CSE1L: variants seen among roughly 807,000 people sequenced by gnomAD.
CSE1L encodes chromosome segregation 1 like.
A neutral mutation model predicts 120.4 loss-of-function variants in CSE1L; 24 were observed. That is an observed-to-expected ratio of 0.20 (90% CI 0.14 to 0.28). CSE1L has a LOEUF of 0.28. CSE1L is among the 10% of genes least tolerant of loss of function. The pLI is 1.00. For synonymous variants in CSE1L, 402 were observed against 398.3 expected, an observed-to-expected ratio of 1.01 and a Z score of -0.11; for missense variants, 830 against 1,145.2, an observed-to-expected ratio of 0.72 and a Z score of 3.97.
Position 49,059,879 on chromosome 20 carries a change from CA to C in CSE1L, c.85+1342del, listed in dbSNP as rs111872809. On this transcript the variant is annotated intron_variant, in intron 2 of 24. Coordinates refer to ENST00000262982, the MANE Select transcript of CSE1L (RefSeq NM_001316.4). Reference sequence around the variant, plus strand: ...TGGGTGACAGAGCGAGACGTAGTCCCAAAAAAAAAAATATTTTGAAACACAG... The same window carrying C: ...TGGGTGACAGAGCGAGACGTAGTCCCAAAAAAAAAATATTTTGAAACACAG... Among the ~76,000 whole-genome samples, 55 of 141,076 alleles carry C rather than the reference CA, an allele frequency of 3.9e-4. No homozygotes were observed. The East Asian group carries it at 5.2e-3, about 13-fold the overall frequency. 92.6% of individuals were successfully genotyped at this position (141,076 alleles called of 152,430 possible). A position where few individuals can be genotyped will look rare whatever the true frequency, so the allele number is the denominator to read the frequency against.
In CSE1L at chr20:49,072,714, T is replaced by C; in HGVS notation, c.1066+17T>C. 2 of 1,592,886 alleles carry C rather than the reference T, an allele frequency of 1.3e-6. No individual in the cohort carries two copies. The highest frequency in any genetic ancestry group is 1.7e-6 in the Non-Finnish European group (2 of 1,171,626). On this transcript the variant is annotated intron_variant, in intron 10 of 24. Coordinates refer to ENST00000262982, the MANE Select transcript of CSE1L (RefSeq NM_001316.4). ...AATTTAGAGGTAATTATGGCAAAAG[T>C]ATATTAGTATAAATCTACTAAGTCT...
At chr20:49,093,918 A>C (rs1036096741) in intron 22 of CSE1L, among the ~76,000 whole-genome samples, 1 of 146,540 alleles carries the variant, frequency 6.8e-6, no homozygotes, top group Non-Finnish European at 1.5e-5. Flanking sequence ...ACTCCGTCTC[A>C]AAAAAAAAAA....
At chr20:49,088,542 C>G (rs1489573179) in intron 17 of CSE1L, among the ~76,000 whole-genome samples, 1 of 152,142 alleles carries the variant, frequency 6.6e-6, no homozygotes, top group East Asian at 1.9e-4. Context: ...TTTACAGATA[C>G]TTAGATTCAT....
chr20:49,087,880 C>T (rs1033601131), intron 16 of CSE1L, 129 bp from the exon 17 acceptor site: 14 of 584,840 alleles, frequency 2.4e-5, no homozygotes, highest in Non-Finnish European at 3.5e-5. Context: ...ATGTAGAGAG[C>T]TATCTCGGGG....
rs769667829 is a variant in CSE1L at position 49,072,552 on chromosome 20, T to C, written c.937-16T>C. ...TTTGCTTTTAAAAATATTCTTGTTT[T>C]TGTGTTTTGTTCCAGTTGGTAAGTA... is the stretch of plus-strand genomic sequence containing the variant. On this transcript the variant is annotated splice_polypyrimidine_tract_variant and intron_variant, in intron 9 of 24. Coordinates refer to ENST00000262982, the MANE Select transcript of CSE1L (RefSeq NM_001316.4). 1.2e-6 allele frequency: 2 copies of C among 1,604,858 alleles called. No individual in the cohort carries two copies. The highest frequency in any genetic ancestry group is 2.7e-5 in the African/African-American group (2 of 74,414).
At chr20:49,080,652 T>G (rs1388613393) in intron 14 of CSE1L, among the ~76,000 whole-genome samples, 1 of 152,002 alleles carries the variant, frequency 6.6e-6, no homozygotes, top group Non-Finnish European at 1.5e-5. Context: ...AATTTTGTAT[T>G]TTTAGTAGAG....
rs372551577 is a variant in CSE1L, at chr20:49,058,476, G to A, written c.13G>A (p.Asp5Asn). MELS[D>N]ANLQTLTEYL... ...AGATCCTATAGCAATGGAACTCAGC[G>A]ATGCAAATCTGCAAACACTAACAGA... Residue 5 changes from aspartate to asparagine, a missense_variant, in exon 2 of 25, where the codon GAT (aspartate) becomes AAT (asparagine). Around this residue, in one of 4 missense-constraint regions of CSE1L, gnomAD observed 543 missense variants for 640.2 expected, o/e 0.85. Transcript: ENST00000262982. The A allele has an allele frequency of 1.2e-5, 20 of 1,613,044 alleles. No individual in the cohort carries two copies. Among genetic ancestry groups the A allele is most frequent in the East Asian group, 6.7e-5 (3 of 44,850 alleles).
intron 1 of CSE1L, among the ~76,000 whole-genome samples, chr20:49,050,323 A>G (rs1039069292): frequency 3.3e-5 from 5 of 150,648 alleles, no homozygotes; most frequent in South Asian, 2.1e-4. Context: ...GGCTCAAGCA[A>G]TCCTCCTGCC....
chr20:49,068,759 C>T lies in CSE1L; in HGVS notation c.612C>T (p.Ala204=). 6.2e-7 allele frequency: 1 copy of T among 1,613,952 alleles called. No individual in the cohort carries two copies. The highest frequency in any genetic ancestry group is 8.5e-7 in the Non-Finnish European group (1 of 1,179,884). ...LCSTHANDAS[A]LRILFSSLIL... is the part of the protein sequence containing the mutation. ...GTACCCATGCAAATGATGCCTCTGC[C>T]CTGAGGATTCTGTTTTCTTCCCTGA... is the stretch of plus-strand genomic sequence containing the variant. Residue 204 remains alanine (A), a synonymous_variant, in exon 7 of 25, where the codon GCC becomes GCT. Transcript: ENST00000262982.
intron 19 of CSE1L, 65 bp downstream of exon 19, chr20:49,089,811 TG>T (rs922242950): frequency 2.1e-6 from 3 of 1,454,156 alleles, no homozygotes; most frequent in Admixed American, 3.7e-5. Context: ...GGATGGCAGA[TG>T]TTTGAAATTT....
chr20:49,074,176 A>AGTGTGTGTGTGTGTGT (rs71184254), intron 10 of CSE1L, among the ~76,000 whole-genome samples: 47 of 115,456 alleles, frequency 4.1e-4, no homozygotes, highest in Non-Finnish European at 7.1e-4. Context: ...ATACAACTGC[A>AGTGTGTGTGTGTGTGT]GTGTGTGTGT....
intron 22 of CSE1L, among the ~76,000 whole-genome samples, chr20:49,093,596 G>T (rs766832932): frequency 1.1e-4 from 11 of 104,360 alleles, no homozygotes; most frequent in South Asian, 3.1e-4. Context: ...TTTTTTTTGA[G>T]ACTGGCCAGG....
rs1443139225 is a variant in CSE1L at position 49,086,688 on chromosome 20, G to A, written c.1723+1302G>A. On this transcript the variant is annotated intron_variant, in intron 16 of 24. Coordinates refer to ENST00000262982, the MANE Select transcript of CSE1L (RefSeq NM_001316.4). ...CCTTAATGTCCATTTCTATGAGAGC[G>A]GCTAACTAGTCTGTAATCTTCATTA... is the stretch of plus-strand genomic sequence containing the variant. Among the ~76,000 whole-genome samples the A allele has an allele frequency of 8.5e-5, 13 of 152,128 alleles. No homozygotes were observed. The East Asian group carries it at 1.4e-3, about 16-fold the overall frequency.
Position 49,052,797 on chromosome 20 carries a change from C to T in CSE1L, c.-11-5656C>T, listed in dbSNP as rs149007360. Among the ~76,000 whole-genome samples the T allele has an allele frequency of 1.0e-3, 158 of 152,250 alleles. 4 individuals are homozygous for T. The East Asian group carries it at 0.028, about 27-fold the overall frequency. ...TAGAGACAGGGTCTTGCTGTGTTAG[C>T]CCAGGCTGGTCTGAAGCCGGCTGAA... On this transcript the variant is annotated intron_variant, in intron 1 of 24. Coordinates refer to ENST00000262982, the MANE Select transcript of CSE1L (RefSeq NM_001316.4).
In CSE1L at chr20:49,066,390, G is replaced by T; in HGVS notation, c.356G>T (p.Gly119Val). ...KQLSDAISII[G>V]REDFPQKWPD... is the part of the protein sequence containing the mutation. The stretch of plus-strand genomic sequence containing the variant: ...TTAAGTGATGCAATTAGCATTATTG[G>T]CAGAGAAGATTTTCCACAGAAATGG... Residue 119 changes from glycine (G) to valine (V), a missense_variant, in exon 5 of 25, where the codon GGC becomes GTC. Physicochemically the swap from Gly to Val is moderately radical, Grantham distance 109 (BLOSUM62 -3). Around this residue, in one of 4 missense-constraint regions of CSE1L, gnomAD observed 543 missense variants for 640.2 expected, o/e 0.85. Transcript: ENST00000262982. The T allele has an allele frequency of 6.2e-7, 1 of 1,614,158 alleles. No individual in the cohort carries two copies. The highest frequency in any genetic ancestry group is 8.5e-7 in the Non-Finnish European group (1 of 1,180,018).
At chr20:49,092,438 C>A (rs2092108709) in intron 22 of CSE1L, among the ~76,000 whole-genome samples, 1 of 151,922 alleles carries the variant, frequency 6.6e-6, no homozygotes, top group Non-Finnish European at 1.5e-5. Context: ...AATCATTGTT[C>A]TAATCCTCTA....
intron 2 of CSE1L, among the ~76,000 whole-genome samples, chr20:49,059,983 G>A (rs2123673366): frequency 1.3e-5 from 2 of 152,086 alleles, no homozygotes; most frequent in South Asian, 4.2e-4. Context: ...CCAGGAGTTC[G>A]AGACCAGCCT....
intron 3 of CSE1L, among the ~76,000 whole-genome samples, chr20:49,065,757 C>T (rs2091887750): frequency 6.6e-6 from 1 of 150,586 alleles, no homozygotes; most frequent in African/African-American, 2.4e-5. Flanking sequence ...CCATGTCCGG[C>T]TAATTTTTGT....
chr20:49,061,567 A>C (rs939212746), intron 2 of CSE1L, among the ~76,000 whole-genome samples: 2 of 150,584 alleles, frequency 1.3e-5, no homozygotes, highest in Admixed American at 6.7e-5. Context: ...CAGTGGCGCC[A>C]TCTTGGCTCA....
Sources: gnomAD v4.1 joint callset for allele counts (sites outside exome capture counted in the v4.1 genomes callset) on GRCh38, gnomAD v4.1.1 for gene constraint, gnomAD v4.1.1 regional missense constraint, MANE v1.5 for transcripts, NCBI Gene and HGNC (gene_info 2026-07-23, HGNC 2026-07-21) for gene names.